KLRF1: variants seen among roughly 807,000 people sequenced by gnomAD.
KLRF1 encodes killer cell lectin-like receptor subfamily F member 1.
A neutral mutation model predicts 30.7 loss-of-function variants in KLRF1; 27 were observed. The ratio of observed to expected loss-of-function variants is 0.88; its 90% CI spans 0.65 to 1.21. The LOEUF is 1.21. Ranked by LOEUF, KLRF1 falls within the 50% of genes most tolerant of loss-of-function variation. KLRF1 has a pLI of 0.00. For synonymous variants in KLRF1, 92 were observed against 89.3 expected (o/e 1.03, Z -0.17); for missense variants, 246 against 259.3 (o/e 0.95, Z 0.35).
At chr12:9,814,232 C>T in the KLRF1 span, among the ~76,000 whole-genome samples, 1 of 152,182 alleles carries the variant, frequency 6.6e-6, no homozygotes. Flanking sequence ...CTCCCCAGAG[C>T]CTGACAGCCA....
At chr12:9,805,423 A>G in the KLRF1 span, among the ~76,000 whole-genome samples, 1 of 151,974 alleles carries the variant, frequency 6.6e-6, no homozygotes, top group Non-Finnish European at 1.5e-5. Flanking sequence ...TAATAAGGTC[A>G]CCAATCATGA....
intron 3 of KLRF1, among the ~76,000 whole-genome samples, chr12:9,835,396 G>T (rs902058062): frequency 1.3e-5 from 2 of 152,050 alleles, no homozygotes; most frequent in South Asian, 2.1e-4. Flanking sequence ...GGGTAACTGC[G>T]TAGAGGGGGA....
intron 5 of KLRF1, 60 bp downstream of exon 5, chr12:9,842,493 G>T (rs760497307): frequency 1.0e-5 from 15 of 1,498,416 alleles, no homozygotes; most frequent in Non-Finnish European, 1.4e-5. Context: ...GTCTCCTCCA[G>T]GTTCACCAAA....
chr12:9,821,602 A>G, the KLRF1 span, among the ~76,000 whole-genome samples: 1 of 152,214 alleles, frequency 6.6e-6, no homozygotes, highest in South Asian at 2.1e-4. Flanking sequence ...AGGTAAATAA[A>G]AGACCTTCAG....
At chr12:9,817,020 C>T in the KLRF1 span, among the ~76,000 whole-genome samples, 1 of 152,084 alleles carries the variant, frequency 6.6e-6, no homozygotes, top group African/African-American at 2.4e-5. Flanking sequence ...TTCTCTCAAC[C>T]TGCCACTATT....
At chr12:9,824,510 T>C (rs187401671), upstream of KLRF1, among the ~76,000 whole-genome samples, 31 of 152,204 alleles carry the variant, frequency 2.0e-4, no homozygotes, top group East Asian at 5.8e-3. Context: ...CAGCCAACAT[T>C]ATCCTGAACA....
rs1433041121 is a variant in KLRF1, at chr12:9,844,700, A to G, written c.*174A>G. The G allele has an allele frequency of 2.4e-5, 11 of 460,402 alleles. No individual in the cohort carries two copies. The highest frequency in any genetic ancestry group is 3.5e-5 in the Non-Finnish European group (9 of 254,390). The allele number at this position is 460,402 out of a possible 1,614,324, so 28.5% of individuals were successfully genotyped here. A position where few individuals can be genotyped will look rare whatever the true frequency, so the allele number is the denominator to read the frequency against. On this transcript the variant is annotated 3_prime_UTR_variant, in exon 6 of 6. Coordinates refer to ENST00000617889, the MANE Select transcript of KLRF1 (RefSeq NM_016523.3). Reference sequence around the variant, plus strand: ...GCCTCAGAGTAACCCCTGTTAACAAACTAAAATGTACACTTCAAAATTTTT... The same window carrying G: ...GCCTCAGAGTAACCCCTGTTAACAAGCTAAAATGTACACTTCAAAATTTTT...
chr12:9,825,178 A>G (rs1272576428), upstream of KLRF1, among the ~76,000 whole-genome samples: 1 of 152,166 alleles, frequency 6.6e-6, no homozygotes, highest in Non-Finnish European at 1.5e-5. Context: ...TCCTAAGCAA[A>G]AAGAACAACA....
At chr12:9,801,815 G>T in the KLRF1 span, among the ~76,000 whole-genome samples, 1 of 152,038 alleles carries the variant, frequency 6.6e-6, no homozygotes, top group South Asian at 2.1e-4. Flanking sequence ...TCACTCTGAG[G>T]ATAGTTTACT....
chr12:9,802,858 T>C, the KLRF1 span, among the ~76,000 whole-genome samples: 4 of 151,386 alleles, frequency 2.6e-5, no homozygotes, highest in African/African-American at 9.7e-5. Flanking sequence ...ATAGGAAGAG[T>C]CAGTATTATA....
At chr12:9,842,247 AT>A in intron 4 of KLRF1, 73 bp from the exon 5 acceptor site, 1 of 1,551,184 alleles carries the variant, frequency 6.4e-7, no homozygotes. Context: ...CTTTTTTGCA[AT>A]AACATTTAAA....
At chr12:9,833,999 A>T (rs1241992641) in intron 3 of KLRF1, among the ~76,000 whole-genome samples, 2 of 137,162 alleles carry the variant, frequency 1.5e-5, no homozygotes, top group East Asian at 2.2e-4. Flanking sequence ...CGAAGGGGAG[A>T]TAGGGGTGAG....
the KLRF1 span, among the ~76,000 whole-genome samples, chr12:9,816,427 C>A: frequency 6.6e-6 from 1 of 152,162 alleles, no homozygotes; most frequent in African/African-American, 2.4e-5. Flanking sequence ...GCAAATACCC[C>A]CTCTTAAAAA....
upstream of KLRF1, among the ~76,000 whole-genome samples, chr12:9,825,948 G>A (rs1350048271): frequency 2.0e-5 from 3 of 151,986 alleles, no homozygotes; most frequent in Non-Finnish European, 4.4e-5. Context: ...CAAAGAAATT[G>A]TAATTATAAA....
At chr12:9,811,335 A>AG in the KLRF1 span, among the ~76,000 whole-genome samples, 1 of 146,320 alleles carries the variant, frequency 6.8e-6, no homozygotes, top group African/African-American at 2.5e-5. Context: ...AAAAAAAAAA[A>AG]AGAGAGAAAA....
the KLRF1 span, among the ~76,000 whole-genome samples, chr12:9,812,562 A>G: frequency 1.3e-5 from 2 of 152,004 alleles, 1 homozygote; most frequent in South Asian, 4.1e-4. Context: ...TTCCTGTTTA[A>G]TTATGGGAAG....
chr12:9,831,948 T>C (rs1205333142), intron 1 of KLRF1, among the ~76,000 whole-genome samples: 2 of 152,146 alleles, frequency 1.3e-5, no homozygotes, highest in Non-Finnish European at 2.9e-5. Context: ...AATCAGAAAG[T>C]GTTTATGTGG....
chr12:9,843,737 G>T (rs80201733), intron 5 of KLRF1, among the ~76,000 whole-genome samples: 1 of 151,916 alleles, frequency 6.6e-6, no homozygotes, highest in East Asian at 1.9e-4. Context: ...AACTAAACTC[G>T]GACAAAGTGT....
chr12:9,812,112 TC>T, the KLRF1 span, among the ~76,000 whole-genome samples: 1 of 152,152 alleles, frequency 6.6e-6, no homozygotes, highest in African/African-American at 2.4e-5. Context: ...ACGCCTGTAA[TC>T]CCAGCACGTT....
Sources: gnomAD v4.1 joint callset for allele counts (sites outside exome capture counted in the v4.1 genomes callset) on GRCh38, gnomAD v4.1.1 for gene constraint, MANE v1.5 for transcripts, NCBI Gene and HGNC (gene_info 2026-07-23, HGNC 2026-07-21) for gene names.